Variants in FAAH2 observed in about 807,000 individuals in gnomAD.
FAAH2 encodes the protein fatty acid amide hydrolase 2.
Under a neutral mutation model 36.9 loss-of-function variants are expected in FAAH2, and 60 were observed. The observed-to-expected ratio is 1.63, with a 90% confidence interval of 1.32 to 2.02. FAAH2 has a LOEUF of 2.02. FAAH2 is among the 30% of genes most tolerant of loss of function. The pLI is 0.00. For synonymous variants in FAAH2, 214 were observed against 143.8 expected (o/e 1.49, Z -3.49); for missense variants, 689 against 397.5 (o/e 1.73, Z -6.23).
At chrX:57,201,345 G>A in the FAAH2 span, among the ~76,000 whole-genome samples, 1 of 110,400 alleles carries the variant, frequency 9.1e-6, no homozygotes, top group African/African-American at 3.3e-5. Context: ...TTGAACCAGG[G>A]AGGTGGAGTC....
chrX:57,244,045 A>ATCC, the FAAH2 span, among the ~76,000 whole-genome samples: 2 of 108,470 alleles, frequency 1.8e-5, no homozygotes, highest in Non-Finnish European at 3.8e-5. Context: ...CAGTTTAGAG[A>ATCC]ACATAAATGA....
At chrX:57,145,365 A>G in the FAAH2 span, among the ~76,000 whole-genome samples, 5 of 110,853 alleles carry the variant, frequency 4.5e-5, no homozygotes, top group Non-Finnish European at 5.7e-5. Flanking sequence ...TCTTTTGAGA[A>G]TTGTGTATTT....
At chrX:57,265,648 C>A in the FAAH2 span, among the ~76,000 whole-genome samples, 1 of 112,122 alleles carries the variant, frequency 8.9e-6, no homozygotes, top group Non-Finnish European at 1.9e-5. Context: ...CCAAGGCCTG[C>A]AGCCCCCTCT....
chrX:57,157,903 G>A, the FAAH2 span, among the ~76,000 whole-genome samples: 1 of 109,528 alleles, frequency 9.1e-6, no homozygotes, highest in Admixed American at 9.7e-5. Flanking sequence ...CAATGTGCAG[G>A]TTTGTTACAT....
intron 10 of FAAH2, among the ~76,000 whole-genome samples, chrX:57,451,818 C>A (rs1344641096): frequency 2.7e-5 from 3 of 111,979 alleles, no homozygotes; most frequent in Non-Finnish European, 5.6e-5. Flanking sequence ...GTCTTGGCAC[C>A]CTGCCCCATC....
chrX:57,214,684 T>C, the FAAH2 span, among the ~76,000 whole-genome samples: 1 of 111,690 alleles, frequency 9.0e-6, no homozygotes, highest in African/African-American at 3.3e-5. Flanking sequence ...GATTAATTGT[T>C]ACATGGAGTA....
chrX:57,366,905 C>T (rs960750181), intron 5 of FAAH2, among the ~76,000 whole-genome samples: 1 of 111,816 alleles, frequency 8.9e-6, no homozygotes, highest in African/African-American at 3.3e-5. Flanking sequence ...TGGAATATGG[C>T]AGTCTTTGGG....
the FAAH2 span, among the ~76,000 whole-genome samples, chrX:57,278,409 C>T: frequency 1.8e-5 from 2 of 111,293 alleles, no homozygotes; most frequent in Admixed American, 9.6e-5. Context: ...CTTCCTTACA[C>T]CTTATAGAAG....
At chrX:57,179,603 A>G in the FAAH2 span, among the ~76,000 whole-genome samples, 1 of 112,123 alleles carries the variant, frequency 8.9e-6, no homozygotes, top group African/African-American at 3.2e-5. Context: ...ATACAGGAGC[A>G]CCAAGATTCA....
At chrX:57,430,833 A>G (rs1436238022) in intron 7 of FAAH2, among the ~76,000 whole-genome samples, 1 of 111,929 alleles carries the variant, frequency 8.9e-6, no homozygotes, top group African/African-American at 3.2e-5. Flanking sequence ...CAAAGACGAT[A>G]GGGTTCCCAC....
intron 10 of FAAH2, among the ~76,000 whole-genome samples, chrX:57,456,418 G>A (rs1418409514): frequency 1.8e-5 from 2 of 111,271 alleles, no homozygotes; most frequent in Non-Finnish European, 3.8e-5. Context: ...TCCGAATAAA[G>A]TAGAAGAAAA....
chrX:57,315,605 A>G (rs964582518), intron 3 of FAAH2, among the ~76,000 whole-genome samples: 1 of 112,187 alleles, frequency 8.9e-6, no homozygotes, highest in African/African-American at 3.2e-5. Context: ...TTGGATCAAC[A>G]TATGCAAATC....
At chrX:57,426,964 A>T (rs940153718) in intron 7 of FAAH2, among the ~76,000 whole-genome samples, 10 of 111,367 alleles carry the variant, frequency 9.0e-5, no homozygotes, top group Non-Finnish European at 1.7e-4. Context: ...AAGTTTATTT[A>T]AAAAAATAAT....
the FAAH2 span, among the ~76,000 whole-genome samples, chrX:57,176,443 A>G: frequency 1.8e-5 from 2 of 111,264 alleles, no homozygotes; most frequent in South Asian, 7.4e-4. Context: ...GTTTCTTTAA[A>G]TTATCCATTT....
At chrX:57,440,314 C>G (rs1223584079) in intron 8 of FAAH2, among the ~76,000 whole-genome samples, 1 of 111,461 alleles carries the variant, frequency 9.0e-6, no homozygotes, top group African/African-American at 3.3e-5. Flanking sequence ...AGAGGTCCTT[C>G]ACATCCCCTG....
the FAAH2 span, among the ~76,000 whole-genome samples, chrX:57,176,688 T>C: frequency 1.8e-5 from 2 of 112,326 alleles, no homozygotes; most frequent in South Asian, 7.2e-4. Flanking sequence ...TGGTTTCTTC[T>C]CACTTGGGTA....
the FAAH2 span, among the ~76,000 whole-genome samples, chrX:57,249,985 A>G: frequency 2.0e-4 from 22 of 112,022 alleles, 1 homozygote; most frequent in East Asian, 5.9e-3. Flanking sequence ...TGGCTAGTTT[A>G]GTGTCCTAAA....
chrX:57,413,598 C>T (rs984620817), intron 7 of FAAH2, among the ~76,000 whole-genome samples: 10 of 111,354 alleles, frequency 9.0e-5, no homozygotes, highest in African/African-American at 9.8e-5. Flanking sequence ...TGGTACCATG[C>T]TGTTTTGGTT....
the FAAH2 span, among the ~76,000 whole-genome samples, chrX:57,261,710 G>A: frequency 3.6e-3 from 398 of 110,267 alleles, 3 homozygotes; most frequent in Middle Eastern, 9.3e-3. Context: ...ATTGTGGGTG[G>A]TTATGAATAT....
Sources: gnomAD v4.1 joint callset for allele counts (sites outside exome capture counted in the v4.1 genomes callset) on GRCh38, gnomAD v4.1.1 for gene constraint, MANE v1.5 for transcripts, NCBI Gene and HGNC (gene_info 2026-07-23, HGNC 2026-07-21) for gene names.